Variants in OGFOD1 observed in about 807,000 individuals in gnomAD.
OGFOD1 encodes the protein prolyl 3-hydroxylase OGFOD1.
OGFOD1 carries 54 observed loss-of-function variants against 67.7 expected under a neutral mutation model. The observed-to-expected ratio is 0.80, with a 90% CI of 0.64 to 1.00. The LOEUF is 1.00. Among genes scored for constraint, OGFOD1 ranks in the 50% least tolerant of loss-of-function variants. OGFOD1 has a pLI of 0.00. For missense variants in OGFOD1, 606 were observed against 646.7 expected, an observed-to-expected ratio of 0.94 and a Z score of 0.68; for synonymous variants, 221 against 227.0, an observed-to-expected ratio of 0.97 and a Z score of 0.24.
intron 3 of OGFOD1, among the ~76,000 whole-genome samples, chr16:56,460,069 G>C (rs1437191619): frequency 6.6e-6 from 1 of 152,114 alleles, no homozygotes; most frequent in African/African-American, 2.4e-5. Flanking sequence ...CTGAAGTATT[G>C]CTTGTGTGTT....
intron 11 of OGFOD1, 65 bp from the exon 12 acceptor site, chr16:56,475,442 T>A: frequency 2.1e-6 from 3 of 1,435,400 alleles, no homozygotes; most frequent in Non-Finnish European, 9.8e-7. Flanking sequence ...GATCAGTGAT[T>A]TAAGTAGATG....
chr16:56,471,210 AAAT>A (rs1312546272), intron 10 of OGFOD1, among the ~76,000 whole-genome samples: 4 of 151,824 alleles, frequency 2.6e-5, no homozygotes, highest in Middle Eastern at 3.4e-3. Flanking sequence ...AAAAAAAAAA[AAAT>A]TTGCCAGGCA....
At chr16:56,451,839 G>T (rs1962348627) in intron 1 of OGFOD1, 73 bp downstream of exon 1, 7 of 1,537,496 alleles carry the variant, frequency 4.6e-6, no homozygotes, top group Non-Finnish European at 5.3e-6. Context: ...TGGGACTCGC[G>T]CCCAGCCTTG....
rs1317681259 is a variant in OGFOD1 at position 56,467,909 on chromosome 16, A to C, written c.791A>C (p.Glu264Ala). 10 of 1,541,792 alleles carry C rather than the reference A, an allele frequency of 6.5e-6. No homozygotes were observed. Among genetic ancestry groups the C allele is most frequent in the Non-Finnish European group, 8.1e-6 (9 of 1,114,092 alleles). ...CATCTGCTGCCTCTTCGTAAGCATG[A>C]GATTTTGTATGATTGGATCAACCCT... is the stretch of plus-strand genomic sequence containing the variant. The part of the protein sequence containing the change: ...PRSPHIPQDH[E>A]ILYDWINPTY... The change falls in exon 8 of 13, where the codon GAG becomes GCG. Residue 264 changes from glutamate (E) to alanine (A), a missense_variant. Transcript: ENST00000566157.
chr16:56,458,871 T>TA, intron 3 of OGFOD1: 1 of 418,258 alleles, frequency 2.4e-6, no homozygotes, highest in Non-Finnish European at 4.3e-6. Context: ...ACACTGGAGA[T>TA]ACCATTTTTC....
At chr16:56,459,095 C>G (rs975295943) in intron 3 of OGFOD1, among the ~76,000 whole-genome samples, 11 of 152,150 alleles carry the variant, frequency 7.2e-5, no homozygotes, top group African/African-American at 2.7e-4. Flanking sequence ...AATCCCAGCA[C>G]TTTGGGAGGC....
At chr16:56,467,328 C>A in intron 7 of OGFOD1, 35 bp downstream of exon 7, 2 of 1,607,950 alleles carry the variant, frequency 1.2e-6, no homozygotes, top group South Asian at 1.1e-5. Context: ...ATCTTAGGAG[C>A]TATAGCATAT....
At position 56,466,045 on chromosome 16, in the gene OGFOD1, G is replaced by A; in HGVS notation, c.449-107G>A. ...TAAAGCTGGAGGACATTTAAAGCTG[G>A]AGCTGACATTACAGTTGAATGTCAA... On this transcript the variant is annotated intron_variant, in intron 4 of 12. Coordinates refer to ENST00000566157, the MANE Select transcript of OGFOD1 (RefSeq NM_018233.4). The A allele has an allele frequency of 4.1e-6, 3 of 734,786 alleles. No homozygotes were observed. In the South Asian group the frequency reaches 4.9e-5, roughly 12 times the overall value. The allele number at this position is 734,786 out of a possible 1,614,324, so 45.5% of individuals were successfully genotyped here. A position where few individuals can be genotyped will look rare whatever the true frequency, so the allele number is the denominator to read the frequency against.
rs372423282 is a variant in OGFOD1 at position 56,478,597 on chromosome 16, C to T, written c.*2392C>T. The T allele has an allele frequency of 6.6e-6, 1 of 152,188 alleles. No homozygotes were observed. Among genetic ancestry groups the T allele is most frequent in the African/African-American group, 2.4e-5 (1 of 41,446 alleles). The allele number at this position is 152,188 out of a possible 1,614,324, so 9.4% of individuals were successfully genotyped here. On this transcript the variant is annotated 3_prime_UTR_variant, in exon 13 of 13. Coordinates refer to ENST00000566157, the MANE Select transcript of OGFOD1 (RefSeq NM_018233.4). ...AAAGTGCTTGGGTAGGTGAAACTGT[C>T]ATGTGTGCCAAGCTTGGAAAATAGT...
chr16:56,466,408 CAA>C, intron 5 of OGFOD1, 140 bp downstream of exon 5: 2 of 608,438 alleles, frequency 3.3e-6, no homozygotes, highest in South Asian at 4.0e-5. Context: ...GTAACTACCT[CAA>C]GAGGAATAAA....
intron 9 of OGFOD1, 35 bp from the exon 10 acceptor site, chr16:56,470,452 G>A: frequency 2.6e-6 from 4 of 1,552,980 alleles, no homozygotes; most frequent in Admixed American, 1.9e-5. Flanking sequence ...TACATCTGTG[G>A]CTTTGATGAA....
intron 1 of OGFOD1, among the ~76,000 whole-genome samples, chr16:56,451,975 A>T (rs111397765): frequency 6.6e-6 from 1 of 152,164 alleles, no homozygotes; most frequent in Admixed American, 6.5e-5. Context: ...AGAGGGAGAA[A>T]TGGAGGCCGG....
At chr16:56,475,048 C>T in intron 11 of OGFOD1, 98 bp downstream of exon 11, 2 of 1,308,074 alleles carry the variant, frequency 1.5e-6, no homozygotes, top group South Asian at 2.7e-5. Flanking sequence ...AAGTAATTTG[C>T]CTAGTTCAGA....
chr16:56,467,408 CA>C, intron 7 of OGFOD1, 115 bp downstream of exon 7: 1 of 1,189,270 alleles, frequency 8.4e-7, no homozygotes, highest in Admixed American at 2.4e-5. Flanking sequence ...TGCCCCTTTC[CA>C]CTTTTCTTTT....
chr16:56,456,564 C>T (rs991545584), intron 2 of OGFOD1, among the ~76,000 whole-genome samples: 5 of 152,188 alleles, frequency 3.3e-5, no homozygotes, highest in East Asian at 3.9e-4. Flanking sequence ...TCCAGTCCAT[C>T]GTGAAACTCT....
chr16:56,475,504 A>G lies in OGFOD1; in HGVS notation c.1409-3A>G, dbSNP rs1227339021. On this transcript the variant is annotated splice_region_variant and splice_polypyrimidine_tract_variant and intron_variant, in intron 11 of 12. Coordinates refer to ENST00000566157, the MANE Select transcript of OGFOD1 (RefSeq NM_018233.4). ...TGAATGCTGTTTGTTTTTCTCTTGTAAGGCTGGGAGCCAGAATATGGCGGT... is the reference window on the plus strand; with the variant it reads ...TGAATGCTGTTTGTTTTTCTCTTGTGAGGCTGGGAGCCAGAATATGGCGGT... The G allele has an allele frequency of 1.2e-6, 2 of 1,613,892 alleles. No homozygotes were observed. Among genetic ancestry groups the G allele is most frequent in the Non-Finnish European group, 1.7e-6 (2 of 1,179,812 alleles).
intron 3 of OGFOD1, among the ~76,000 whole-genome samples, chr16:56,461,789 A>G (rs1438453251): frequency 6.6e-6 from 1 of 152,166 alleles, no homozygotes; most frequent in African/African-American, 2.4e-5. Flanking sequence ...GAAGTGAAGT[A>G]AAGTGTGTAA....
At chr16:56,463,474 A>T (rs1281475053) in intron 4 of OGFOD1, among the ~76,000 whole-genome samples, 1 of 131,526 alleles carries the variant, frequency 7.6e-6, no homozygotes, top group Non-Finnish European at 1.5e-5. Flanking sequence ...CCAGGCTGGA[A>T]TGCAGTGGCG....
chr16:56,469,850 CAAAA>C (rs751278368), intron 8 of OGFOD1, among the ~76,000 whole-genome samples, 149 bp from the exon 9 acceptor site: 2 of 53,322 alleles, frequency 3.8e-5, no homozygotes, highest in Non-Finnish European at 7.1e-5. Context: ...AACTCCATCT[CAAAA>C]AAAAAAAAAA....
Sources: gnomAD v4.1 joint callset for allele counts (sites outside exome capture counted in the v4.1 genomes callset) on GRCh38, gnomAD v4.1.1 for gene constraint, MANE v1.5 for transcripts, NCBI Gene and HGNC (gene_info 2026-07-23, HGNC 2026-07-21) for gene names.